SYT14: variants seen among roughly 807,000 people sequenced by gnomAD.
The protein encoded by SYT14 is synaptotagmin-14.
In SYT14, 32 loss-of-function variants were observed where a neutral mutation model predicts 74.2. The observed-to-expected ratio is 0.43, with a 90% CI of 0.33 to 0.58. The LOEUF (loss-of-function observed/expected upper bound fraction) is 0.58. Ranked by LOEUF, SYT14 falls within the 20% of genes least tolerant of loss-of-function variation. SYT14 has a pLI of 0.05. For synonymous variants in SYT14, 298 were observed against 337.7 expected, an observed-to-expected ratio of 0.88 and a Z score of 1.29; for missense variants, 791 against 981.8, an observed-to-expected ratio of 0.81 and a Z score of 2.60.
intron 7 of SYT14, among the ~76,000 whole-genome samples, chr1:210,122,855 T>C (rs1166352832): frequency 6.6e-6 from 1 of 152,190 alleles, no homozygotes; most frequent in African/African-American, 2.4e-5. Flanking sequence ...TGCATATCAG[T>C]CAGTAGTTTG....
At chr1:210,156,902 C>T (rs1014859959) in intron 8 of SYT14, 6 of 391,872 alleles carry the variant, frequency 1.5e-5, no homozygotes, top group Non-Finnish European at 2.7e-5. Context: ...CCATGTTGAT[C>T]AAGCTGGTCG....
chr1:210,155,785 C>T lies in SYT14; in HGVS notation c.2099C>T (p.Ser700Phe), dbSNP rs370963610. Residue 700 changes from serine to phenylalanine, a missense_variant, in exon 8 of 10, where the codon TCT (serine) becomes TTT (phenylalanine). Coordinates refer to ENST00000637265, the Ensembl canonical transcript of SYT14. The stretch of plus-strand genomic sequence containing the variant: ...AGTGAAAGTACATCCTCATGTCAGT[C>T]TCTTGAACATGGCTCAGTTCCAGAA... 114 of 1,613,868 alleles carry T rather than the reference C, an allele frequency of 7.1e-5. No homozygotes were observed. The highest frequency in any genetic ancestry group is 9.1e-5 in the Non-Finnish European group (107 of 1,179,988).
chr1:210,134,985 C>CTTT (rs530229562), intron 7 of SYT14, among the ~76,000 whole-genome samples: 39 of 146,520 alleles, frequency 2.7e-4, no homozygotes, highest in African/African-American at 9.7e-4. Context: ...TTTTCCCTGT[C>CTTT]TTTTTTTTTT....
Position 209,938,359 on chromosome 1 carries a change from GCGCTGACGGGGCCGCC to G in SYT14, c.-534+83_-534+98del. The G allele has an allele frequency of 3.5e-6, 5 of 1,423,810 alleles. No homozygotes were observed. In the South Asian group the frequency reaches 5.0e-5, roughly 14 times the overall value. The allele number at this position is 1,423,810 out of a possible 1,614,324, so 88.2% of individuals were successfully genotyped here. A position where few individuals can be genotyped will look rare whatever the true frequency, so the allele number is the denominator to read the frequency against. On this transcript the variant is annotated intron_variant, in intron 1 of 9. Transcript: ENST00000637265. ...CTCGGAGGTGCGCCGGCAGGCCGAG[GCGCTGACGGGGCCGCC>G]TCCTGTGGTCTGGAGCCGGCTGAAG...
At chr1:210,052,029 T>A (rs2081006302) in intron 5 of SYT14, among the ~76,000 whole-genome samples, 1 of 152,198 alleles carries the variant, frequency 6.6e-6, no homozygotes, top group Admixed American at 6.5e-5. Flanking sequence ...AATTTCTTGA[T>A]TTGTATCCTG....
chr1:210,110,469 G>T (rs936775240), intron 7 of SYT14, among the ~76,000 whole-genome samples: 5 of 152,140 alleles, frequency 3.3e-5, no homozygotes, highest in African/African-American at 1.2e-4. Context: ...TTTGCTTCCT[G>T]ATCTTGAGTC....
chr1:210,073,963 T>G (rs2081442563), intron 5 of SYT14, among the ~76,000 whole-genome samples: 2 of 152,150 alleles, frequency 1.3e-5, no homozygotes, highest in South Asian at 4.1e-4. Context: ...AGTTGTTGAT[T>G]GAGTTTAATA....
intron 2 of SYT14, among the ~76,000 whole-genome samples, chr1:209,958,294 G>A (rs928498864): frequency 2.0e-5 from 3 of 151,930 alleles, no homozygotes; most frequent in Admixed American, 2.0e-4. Flanking sequence ...AATTATTGAA[G>A]TGTTGTGATT....
intron 2 of SYT14, among the ~76,000 whole-genome samples, chr1:210,010,373 C>T (rs746606388): frequency 2.8e-4 from 42 of 152,106 alleles, no homozygotes; most frequent in Non-Finnish European, 4.1e-4. Context: ...GTCCTAGGTA[C>T]TTTGAAGATA....
In SYT14 at chr1:210,046,422, ATTT is replaced by A. The variant is rs61053874; in HGVS notation, c.1312+25177_1312+25179del. Among the ~76,000 whole-genome samples the A allele has an allele frequency of 5.5e-3, 825 of 150,860 alleles. 6 individuals carry two copies. Among genetic ancestry groups the A allele is most frequent in the African/African-American group, 0.018 (760 of 41,340 alleles). ...CTCATTTCAAGTGTACAAGTCAATG[ATTT>A]TTTTTTTTGTAACTTTACTGAATGG... On this transcript the variant is annotated intron_variant, in intron 5 of 9. Coordinates refer to ENST00000637265, the Ensembl canonical transcript of SYT14.
intron 7 of SYT14, among the ~76,000 whole-genome samples, chr1:210,132,566 ATT>A (rs1491506827): frequency 1.4e-5 from 1 of 73,530 alleles, no homozygotes; most frequent in African/African-American, 4.3e-5. Flanking sequence ...GATTTTATAT[ATT>A]GTGTGTGTGT....
At chr1:209,940,927 A>G (rs1377499508) in intron 1 of SYT14, among the ~76,000 whole-genome samples, 1 of 152,198 alleles carries the variant, frequency 6.6e-6, no homozygotes, top group East Asian at 1.9e-4. Flanking sequence ...ATATAGCTTA[A>G]CATTAGAATA....
At chr1:210,070,010 A>G (rs549156597) in intron 5 of SYT14, among the ~76,000 whole-genome samples, 2 of 152,220 alleles carry the variant, frequency 1.3e-5, no homozygotes, top group African/African-American at 4.8e-5. Context: ...GAGTTTACTA[A>G]TGAGATCCTA....
chr1:210,147,476 A>G (rs2083065063), intron 7 of SYT14, among the ~76,000 whole-genome samples: 2 of 152,198 alleles, frequency 1.3e-5, no homozygotes, highest in South Asian at 2.1e-4. Flanking sequence ...TACCAGACAA[A>G]ATGATAAAAG....
chr1:210,143,240 G>A (rs1271860362), intron 7 of SYT14, among the ~76,000 whole-genome samples: 1 of 152,126 alleles, frequency 6.6e-6, no homozygotes, highest in Non-Finnish European at 1.5e-5. Flanking sequence ...AAACATTGCA[G>A]CTAGCCAAAA....
intron 7 of SYT14, among the ~76,000 whole-genome samples, chr1:210,147,346 T>C (rs1347679213): frequency 6.6e-6 from 1 of 152,048 alleles, no homozygotes; most frequent in African/African-American, 2.4e-5. Context: ...AATGTGAGAC[T>C]AGAGAAAATG....
intron 2 of SYT14, among the ~76,000 whole-genome samples, chr1:209,991,463 G>A (rs1042112186): frequency 2.0e-5 from 3 of 152,098 alleles, no homozygotes; most frequent in African/African-American, 7.2e-5. Flanking sequence ...ATTAAAAAGT[G>A]AGCAACGGAA....
intron 5 of SYT14, among the ~76,000 whole-genome samples, chr1:210,075,350 T>G (rs1473743494): frequency 2.0e-5 from 3 of 150,520 alleles, no homozygotes; most frequent in East Asian, 1.9e-4. Flanking sequence ...TTGTTTTTTT[T>G]TTTTTTTTTG....
intron 2 of SYT14, among the ~76,000 whole-genome samples, chr1:210,002,994 T>C (rs1314214304): frequency 6.6e-6 from 1 of 152,182 alleles, no homozygotes; most frequent in East Asian, 1.9e-4. Flanking sequence ...TTATGTCTTG[T>C]TTAGTAAGAA....
Sources: allele counts gnomAD v4.1 joint callset (sites outside exome capture counted in the v4.1 genomes callset), GRCh38; gene constraint gnomAD v4.1.1; transcripts MANE v1.5; gene names NCBI Gene and HGNC (gene_info 2026-07-23, HGNC 2026-07-21).